NPAS3: variants seen among roughly 807,000 people sequenced by gnomAD.
NPAS3 encodes neuronal PAS domain protein 3.
NPAS3 carries 14 observed loss-of-function variants against 73.1 expected under a neutral mutation model. The observed-to-expected ratio is 0.19, with a 90% CI of 0.13 to 0.30. The LOEUF is 0.30. Among genes scored for constraint, NPAS3 ranks in the 10% least tolerant of loss-of-function variants. The pLI is 1.00. For missense variants in NPAS3, 1,096 were observed against 1,250.0 expected (o/e 0.88, Z 1.86); for synonymous variants, 620 against 541.5 (o/e 1.14, Z -2.01).
chr14:33,276,905 TG>T (rs2041361328), intron 3 of NPAS3, among the ~76,000 whole-genome samples: 1 of 152,130 alleles, frequency 6.6e-6, no homozygotes, highest in Admixed American at 6.6e-5. Context: ...TAAAATTTCT[TG>T]ATTTGTTGAT....
At chr14:33,598,623 A>C (rs1471677517) in intron 5 of NPAS3, among the ~76,000 whole-genome samples, 1 of 152,226 alleles carries the variant, frequency 6.6e-6, no homozygotes, top group Non-Finnish European at 1.5e-5. Flanking sequence ...TTTTAAAACT[A>C]TGCATTTTTG....
At chr14:33,801,229 G>A (rs1275584916), downstream of NPAS3, 1 of 1,475,664 alleles carries the variant, frequency 6.8e-7, no homozygotes, top group South Asian at 1.3e-5. Context: ...CTCTCGCCAC[G>A]ACGGTCCCCA....
chr14:33,516,067 T>G (rs1187044169), intron 4 of NPAS3, among the ~76,000 whole-genome samples: 1 of 151,796 alleles, frequency 6.6e-6, no homozygotes, highest in Non-Finnish European at 1.5e-5. Flanking sequence ...TCATAGCATC[T>G]CTGCTAAGTA....
intron 2 of NPAS3, among the ~76,000 whole-genome samples, chr14:33,179,811 T>C (rs1335208749): frequency 6.6e-6 from 1 of 152,224 alleles, no homozygotes; most frequent in Non-Finnish European, 1.5e-5. Flanking sequence ...AAGAAGGGCA[T>C]GAAGAAAATC....
chr14:32,954,617 C>G (rs957342731), intron 1 of NPAS3, among the ~76,000 whole-genome samples: 1 of 152,068 alleles, frequency 6.6e-6, no homozygotes, highest in Non-Finnish European at 1.5e-5. Flanking sequence ...CTGCATCATA[C>G]TGTTTTTCTC....
At chr14:33,398,582 T>G (rs2047320866) in intron 4 of NPAS3, among the ~76,000 whole-genome samples, 1 of 152,110 alleles carries the variant, frequency 6.6e-6, no homozygotes, top group Admixed American at 6.6e-5. Context: ...ATTTTGCCAA[T>G]CTACTTCTTG....
At chr14:33,662,516 T>C (rs1432576542) in intron 5 of NPAS3, among the ~76,000 whole-genome samples, 3 of 152,238 alleles carry the variant, frequency 2.0e-5, no homozygotes, top group African/African-American at 7.2e-5. Flanking sequence ...GGGGATAGCA[T>C]TGAATCTATA....
chr14:33,612,648 G>A, intron 5 of NPAS3: 1 of 363,090 alleles, frequency 2.8e-6, no homozygotes, highest in Non-Finnish European at 5.4e-6. Context: ...TTAAAGTGTG[G>A]TATTTTAAAG....
At chr14:33,077,554 A>G (rs1429973671) in intron 2 of NPAS3, among the ~76,000 whole-genome samples, 1 of 151,190 alleles carries the variant, frequency 6.6e-6, no homozygotes, top group Non-Finnish European at 1.5e-5. Context: ...GCTTCCATAA[A>G]TACTCCAAAT....
chr14:33,390,363 G>A (rs1038880025), intron 4 of NPAS3, among the ~76,000 whole-genome samples: 1 of 152,186 alleles, frequency 6.6e-6, no homozygotes, highest in African/African-American at 2.4e-5. Context: ...ACAGCAGTCT[G>A]AGAGAAAGGT....
At chr14:33,672,516 G>A (rs1002748663) in intron 5 of NPAS3, among the ~76,000 whole-genome samples, 1 of 152,128 alleles carries the variant, frequency 6.6e-6, no homozygotes, top group Non-Finnish European at 1.5e-5. Flanking sequence ...AGATTTAAAG[G>A]TACCTAATTA....
At chr14:33,168,664 C>T (rs1168330705) in intron 2 of NPAS3, among the ~76,000 whole-genome samples, 4 of 152,080 alleles carry the variant, frequency 2.6e-5, no homozygotes, top group East Asian at 1.9e-4. Context: ...GGATGCTTCC[C>T]GACTGCATTT....
At chr14:32,999,620 G>A (rs573599604) in intron 1 of NPAS3, among the ~76,000 whole-genome samples, 1 of 151,958 alleles carries the variant, frequency 6.6e-6, no homozygotes, top group Non-Finnish European at 1.5e-5. Flanking sequence ...GTAATTACAT[G>A]TATATTTTTC....
chr14:33,654,380 C>T (rs2059084838), intron 5 of NPAS3, among the ~76,000 whole-genome samples: 2 of 152,122 alleles, frequency 1.3e-5, no homozygotes, highest in African/African-American at 4.8e-5. Flanking sequence ...AATTCTGCTG[C>T]ACTGGTTCTG....
chr14:32,968,927 G>T (rs1194755533), intron 1 of NPAS3, among the ~76,000 whole-genome samples: 1 of 152,084 alleles, frequency 6.6e-6, no homozygotes, highest in African/African-American at 2.4e-5. Flanking sequence ...TCTTCCTGAT[G>T]CTCTCCCTCT....
At chr14:33,045,102 C>G (rs772723333) in intron 1 of NPAS3, among the ~76,000 whole-genome samples, 27 of 152,146 alleles carry the variant, frequency 1.8e-4, no homozygotes, top group African/African-American at 6.5e-4. Flanking sequence ...GGAAGTGCTG[C>G]TCATCACTTC....
At chr14:33,638,419 C>G (rs555697798) in intron 5 of NPAS3, among the ~76,000 whole-genome samples, 7 of 152,314 alleles carry the variant, frequency 4.6e-5, no homozygotes, top group Non-Finnish European at 1.0e-4. Flanking sequence ...CTTCTACTTA[C>G]TATCTACGTG....
chr14:33,519,845 A>T (rs1297428573), intron 4 of NPAS3, among the ~76,000 whole-genome samples: 1 of 152,100 alleles, frequency 6.6e-6, no homozygotes, highest in Non-Finnish European at 1.5e-5. Flanking sequence ...TTCTCCACTG[A>T]GAGACCCAAG....
rs1222497294 is a variant in NPAS3, at chr14:33,737,829, CAAAT to C, written c.852+2501_852+2504del. On this transcript the variant is annotated intron_variant, in intron 7 of 11. Transcript: ENST00000356141. ...TCACCCCACCACCACACAATAAACA[CAAAT>C]AAAAAGAAACAGTGATAATCATTTC... Among the ~76,000 whole-genome samples the C allele has an allele frequency of 3.3e-5, 5 of 152,124 alleles. No homozygotes were observed. The South Asian group carries it at 1.0e-3, about 32-fold the overall frequency.
Sources: gnomAD v4.1 joint callset for allele counts (sites outside exome capture counted in the v4.1 genomes callset) on GRCh38, gnomAD v4.1.1 for gene constraint, MANE v1.5 for transcripts, NCBI Gene and HGNC (gene_info 2026-07-23, HGNC 2026-07-21) for gene names.